Variants in TTC27 observed in about 807,000 individuals in gnomAD.
The protein encoded by TTC27 is tetratricopeptide repeat protein 27.
Under a neutral mutation model 115.9 loss-of-function variants are expected in TTC27, and 79 were observed. The ratio of observed to expected loss-of-function variants is 0.68; its 90% CI spans 0.57 to 0.82. TTC27 has a LOEUF of 0.82. TTC27 is among the 40% of genes least tolerant of loss of function. The pLI is 0.00. For synonymous variants in TTC27, 401 were observed against 356.0 expected, an observed-to-expected ratio of 1.13 and a Z score of -1.42; for missense variants, 1,054 against 993.1, an observed-to-expected ratio of 1.06 and a Z score of -0.82.
chr2:32,802,760 A>G (rs578089535), intron 16 of TTC27, among the ~76,000 whole-genome samples: 21 of 152,208 alleles, frequency 1.4e-4, no homozygotes, highest in Admixed American at 5.2e-4. Flanking sequence ...AACAACCTCA[A>G]GTTCAGTCCT....
At chr2:32,674,472 A>T (rs1032821502) in intron 8 of TTC27, among the ~76,000 whole-genome samples, 9 of 151,952 alleles carry the variant, frequency 5.9e-5, no homozygotes, top group Non-Finnish European at 1.2e-4. Context: ...CTTTTAATTC[A>T]GTAGAACTCA....
chr2:32,761,653 A>C (rs940891892), intron 13 of TTC27, among the ~76,000 whole-genome samples: 41 of 152,094 alleles, frequency 2.7e-4, no homozygotes. Flanking sequence ...TCCTTCTTCC[A>C]GATATTTCAT....
intron 10 of TTC27, among the ~76,000 whole-genome samples, chr2:32,706,755 G>C (rs1006057973): frequency 6.6e-6 from 1 of 151,988 alleles, no homozygotes. Context: ...GTAGAGACAG[G>C]GTTTCACCAT....
chr2:32,640,709 A>G (rs1664609524), intron 4 of TTC27, among the ~76,000 whole-genome samples: 1 of 152,156 alleles, frequency 6.6e-6, no homozygotes, highest in Admixed American at 6.6e-5. Context: ...TGGGCTGGGC[A>G]TGGTGGCTCA....
At chr2:32,788,909 G>C (rs1256678337) in intron 16 of TTC27, among the ~76,000 whole-genome samples, 2 of 152,142 alleles carry the variant, frequency 1.3e-5, no homozygotes, top group Non-Finnish European at 2.9e-5. Flanking sequence ...AAAGTGGTAT[G>C]TGGTAAAATA....
chr2:32,691,812 A>G (rs1666821652), intron 9 of TTC27, among the ~76,000 whole-genome samples: 1 of 151,926 alleles, frequency 6.6e-6, no homozygotes. Context: ...TTACTGGCTC[A>G]ATGAGTCACC....
At chr2:32,631,727 CAT>C (rs1664220814) in intron 2 of TTC27, among the ~76,000 whole-genome samples, 1 of 152,208 alleles carries the variant, frequency 6.6e-6, no homozygotes, top group Admixed American at 6.5e-5. Context: ...ATGAATAAAG[CAT>C]AACCCATATT....
intron 13 of TTC27, among the ~76,000 whole-genome samples, chr2:32,766,953 T>C (rs113605260): frequency 2.0e-5 from 3 of 152,152 alleles, no homozygotes; most frequent in African/African-American, 7.2e-5. Flanking sequence ...GACCGGCTAA[T>C]TTTTGTATTT....
chr2:32,642,122 G>T (rs1293200378), intron 4 of TTC27, among the ~76,000 whole-genome samples: 1 of 152,082 alleles, frequency 6.6e-6, no homozygotes, highest in African/African-American at 2.4e-5. Flanking sequence ...CTCCCAAAGT[G>T]CTGGGATTAC....
intron 3 of TTC27, among the ~76,000 whole-genome samples, chr2:32,637,522 G>GTATTTTTTAATAAATTTT (rs1664474816): frequency 6.6e-6 from 1 of 151,944 alleles, no homozygotes; most frequent in Non-Finnish European, 1.5e-5. Flanking sequence ...TAATAGAGAC[G>GTATTTTTTAATAAATTTT]GGGTTTCACC....
At chr2:32,631,869 G>A (rs1468428167) in intron 2 of TTC27, among the ~76,000 whole-genome samples, 1 of 150,982 alleles carries the variant, frequency 6.6e-6, no homozygotes, top group Admixed American at 6.6e-5. Context: ...GGAGTGCAGA[G>A]GCGTGATCTC....
chr2:32,737,315 C>G (rs183273543), intron 12 of TTC27, among the ~76,000 whole-genome samples: 5 of 152,276 alleles, frequency 3.3e-5, no homozygotes, highest in Admixed American at 1.3e-4. Flanking sequence ...ATATTTGCAT[C>G]TGTTATTTGT....
chr2:32,638,628 G>A (rs556671684), intron 3 of TTC27, among the ~76,000 whole-genome samples: 13 of 152,052 alleles, frequency 8.5e-5, no homozygotes, highest in South Asian at 4.2e-4. Flanking sequence ...ATCCACCCGC[G>A]TGGCCTTCCA....
chr2:32,761,237 G>T (rs893374079), intron 13 of TTC27, among the ~76,000 whole-genome samples: 1 of 151,886 alleles, frequency 6.6e-6, no homozygotes, highest in Admixed American at 6.6e-5. Flanking sequence ...CCTCTTACCC[G>T]TATACCCCAC....
At chr2:32,812,648 G>A (rs1316698267) in intron 18 of TTC27, 33 bp downstream of exon 18, 1 of 1,518,944 alleles carries the variant, frequency 6.6e-7, no homozygotes, top group South Asian at 1.1e-5. Context: ...TCCATGGAAT[G>A]TTTTGACTTA....
chr2:32,630,420 T>C, intron 1 of TTC27, 103 bp from the exon 2 acceptor site: 2 of 825,234 alleles, frequency 2.4e-6, no homozygotes, highest in East Asian at 2.6e-5. Flanking sequence ...AGTCTATAGA[T>C]TGTTTTTGCA....
At chr2:32,646,964 T>G (rs929711130) in intron 4 of TTC27, among the ~76,000 whole-genome samples, 5 of 151,892 alleles carry the variant, frequency 3.3e-5, no homozygotes, top group Non-Finnish European at 7.4e-5. Context: ...ATATGTTTTT[T>G]TTTGTTTGTT....
At chr2:32,755,915 C>T (rs576722460) in intron 12 of TTC27, among the ~76,000 whole-genome samples, 26 of 152,056 alleles carry the variant, frequency 1.7e-4, no homozygotes, top group African/African-American at 6.0e-4. Flanking sequence ...TATGCAAAGC[C>T]GTGCATTAGG....
chr2:32,710,691 A>G (rs1265977512), intron 10 of TTC27, among the ~76,000 whole-genome samples: 2 of 151,862 alleles, frequency 1.3e-5, no homozygotes, highest in East Asian at 3.9e-4. Context: ...AGCCTCCCAA[A>G]GTGCTGGGAT....
Sources: gnomAD v4.1 joint callset for allele counts (sites outside exome capture counted in the v4.1 genomes callset) on GRCh38, gnomAD v4.1.1 for gene constraint, MANE v1.5 for transcripts, NCBI Gene and HGNC (gene_info 2026-07-23, HGNC 2026-07-21) for gene names.